The following MR1 variants were observed in gnomAD, a reference collection of about 807,000 sequenced individuals.
The protein encoded by MR1 is major histocompatibility complex, class I-related, also known as major histocompatibility complex class I-related protein 1.
Under a neutral mutation model 37.8 loss-of-function variants are expected in MR1, and 44 were observed. The observed-to-expected ratio is 1.16, with a 90% CI of 0.91 to 1.50. The LOEUF (loss-of-function observed/expected upper bound fraction) is 1.50. Ranked by LOEUF, MR1 falls within the 40% of genes most tolerant of loss-of-function variation. The pLI is 0.00. For missense variants in MR1, 386 were observed against 419.1 expected, an observed-to-expected ratio of 0.92 and a Z score of 0.69; for synonymous variants, 153 against 155.8, an observed-to-expected ratio of 0.98 and a Z score of 0.13.
chr1:181,050,516 G>A (rs1658252319), intron 3 of MR1: 1 of 541,716 alleles, frequency 1.8e-6, no homozygotes, highest in East Asian at 3.3e-5. Flanking sequence ...TACCTCCAAG[G>A]GCACCTTGTT....
chr1:181,035,190 A>G (rs1458038848), intron 1 of MR1, among the ~76,000 whole-genome samples: 1 of 151,974 alleles, frequency 6.6e-6, no homozygotes, highest in Non-Finnish European at 1.5e-5. Context: ...AATACAAAAA[A>G]TTAGCTGTGC....
In MR1 at chr1:181,050,257, A is replaced by C; in HGVS notation, c.575A>C (p.Glu192Ala). The change falls in exon 3 of 6, where the codon GAG becomes GCG. Residue 192 changes from glutamate to alanine, a missense_variant. By Grantham distance (107) the Glu-to-Ala change is moderately radical (BLOSUM62 -1). Coordinates refer to ENST00000367580, the MANE Select transcript of MR1 (RefSeq NM_001385161.1). ...ECIAWLKRFL[E>A]YGKDTLQRTE... Reference sequence around the variant, plus strand: ...ATTGCCTGGCTAAAGAGATTCCTGGAGTATGGGAAAGACACCCTACAAAGA... The same window carrying C: ...ATTGCCTGGCTAAAGAGATTCCTGGCGTATGGGAAAGACACCCTACAAAGA... 1 of 1,614,260 alleles carries C rather than the reference A, an allele frequency of 6.2e-7. No individual in the cohort carries two copies.
rs1165117531 is a variant in MR1, at chr1:181,056,661, A to T, written c.*1396A>T. On this transcript the variant is annotated 3_prime_UTR_variant, in exon 6 of 6. Transcript: ENST00000367580. The stretch of plus-strand genomic sequence containing the variant: ...TGCCAGTCACACATTCCTCGGTCCT[A>T]CTTCTCTGACCCCGTTTGACTCTGC... 6.6e-6 allele frequency: 1 copy of T among 152,378 alleles called. No individual in the cohort carries two copies. The allele number at this position is 152,378 out of a possible 1,614,324, so 9.4% of individuals were successfully genotyped here.
chr1:181,041,867 C>T (rs1358167085), intron 1 of MR1, among the ~76,000 whole-genome samples: 1 of 152,156 alleles, frequency 6.6e-6, no homozygotes, highest in African/African-American at 2.4e-5. Flanking sequence ...TCTCCCCTTC[C>T]CCCGACTAGG....
At chr1:181,048,334 G>A (rs1229379403) in intron 1 of MR1, among the ~76,000 whole-genome samples, 2 of 152,062 alleles carry the variant, frequency 1.3e-5, no homozygotes, top group African/African-American at 4.8e-5. Context: ...AGGAGTTTGA[G>A]ACCAGCCTGG....
At chr1:181,038,925 T>C (rs1657415080) in intron 1 of MR1, among the ~76,000 whole-genome samples, 1 of 152,188 alleles carries the variant, frequency 6.6e-6, no homozygotes, top group South Asian at 2.1e-4. Flanking sequence ...TGCCTCAGCC[T>C]CCCAAGTAGC....
At position 181,049,178 on chromosome 1, in the gene MR1, A is replaced by G. The variant is rs1378515111; in HGVS notation, c.194A>G (p.Lys65Arg). 3.7e-6 allele frequency: 6 copies of G among 1,614,228 alleles called. No homozygotes were observed. The highest frequency in any genetic ancestry group is 5.1e-6 in the Non-Finnish European group (6 of 1,180,030). The part of the protein sequence containing the change: ...ITTYDSVTRQ[K>R]EPRAPWMAEN... ...ACATATGACAGTGTCACTCGGCAGA[A>G]GGAGCCACGGGCCCCATGGATGGCA... Residue 65 changes from lysine to arginine, a missense_variant, in exon 2 of 6, where the codon AAG (lysine) becomes AGG (arginine). Transcript: ENST00000367580.
intron 1 of MR1, among the ~76,000 whole-genome samples, chr1:181,038,108 GCT>G (rs1657366989): frequency 6.6e-6 from 1 of 152,164 alleles, no homozygotes; most frequent in Non-Finnish European, 1.5e-5. Context: ...TGTGTTCATT[GCT>G]CTGTTTCCAG....
chr1:181,044,412 C>G (rs570583835), intron 1 of MR1, among the ~76,000 whole-genome samples: 70 of 152,272 alleles, frequency 4.6e-4, no homozygotes, highest in African/African-American at 1.7e-3. Context: ...ATGGCAGCAG[C>G]AGGGTGGGCA....
chr1:181,040,875 A>G (rs958239522), intron 1 of MR1, among the ~76,000 whole-genome samples: 2 of 151,950 alleles, frequency 1.3e-5, no homozygotes, highest in Admixed American at 6.5e-5. Flanking sequence ...ATGAGGTAGG[A>G]GTTCAAGACC....
Position 181,055,467 on chromosome 1 carries a change from G to T in MR1, c.*202G>T. On this transcript the variant is annotated 3_prime_UTR_variant, in exon 6 of 6. Transcript: ENST00000367580. ...GCTCCAAAAAGACTGTCAGCTTTCA[G>T]TCTCTTTTGATGGACTGTTTTATCA... 1 of 569,318 alleles carries T rather than the reference G, an allele frequency of 1.8e-6. No homozygotes were observed. The highest frequency in any genetic ancestry group is 3.1e-6 in the Non-Finnish European group (1 of 321,698). 35.3% of individuals were successfully genotyped at this position (569,318 alleles called of 1,614,324 possible).
At chr1:181,046,433 C>T (rs1265650827) in intron 1 of MR1, among the ~76,000 whole-genome samples, 1 of 152,148 alleles carries the variant, frequency 6.6e-6, no homozygotes, top group Non-Finnish European at 1.5e-5. Context: ...CTGCACCAAT[C>T]GACACTCTGC....
chr1:181,048,597 C>A (rs1658071390), intron 1 of MR1, among the ~76,000 whole-genome samples: 1 of 152,046 alleles, frequency 6.6e-6, no homozygotes, highest in African/African-American at 2.4e-5. Context: ...CACACGTGCA[C>A]ACACAGAGGT....
upstream of MR1, chr1:181,033,966 C>T: frequency 6.3e-7 from 1 of 1,577,018 alleles, no homozygotes; most frequent in Non-Finnish European, 8.6e-7. Context: ...TCAGAAGGGA[C>T]CTGTCAGTTT....
intron 1 of MR1, among the ~76,000 whole-genome samples, chr1:181,038,188 C>T (rs1470147895): frequency 6.6e-6 from 1 of 152,150 alleles, no homozygotes; most frequent in African/African-American, 2.4e-5. Context: ...CATTGGCAAC[C>T]TTCAAAAGGG....
Position 181,052,233 on chromosome 1 carries a change from A to G in MR1, c.605-2A>G. On this transcript the variant is annotated splice_acceptor_variant, in intron 3 of 5. Transcript: ENST00000367580. LOFTEE classifies it high-confidence loss of function. The stretch of plus-strand genomic sequence containing the variant: ...GATTTAACTTTAGCTTCTTCTTCCT[A>G]GAGCCCCCACTGGTCAGAGTAAATC... The G allele has an allele frequency of 2.5e-6, 4 of 1,612,598 alleles. No individual in the cohort carries two copies. Among genetic ancestry groups the G allele is most frequent in the Non-Finnish European group, 3.4e-6 (4 of 1,178,940 alleles).
chr1:181,050,715 G>A, intron 3 of MR1: 1 of 221,652 alleles, frequency 4.5e-6, no homozygotes, highest in Non-Finnish European at 9.1e-6. Flanking sequence ...AATGAGGTTG[G>A]GCATGATGGC....
chr1:181,050,270 C>T lies in MR1; in HGVS notation c.588C>T (p.Asp196=). 6.2e-7 allele frequency: 1 copy of T among 1,614,202 alleles called. No individual in the cohort carries two copies. The highest frequency in any genetic ancestry group is 8.5e-7 in the Non-Finnish European group (1 of 1,180,022). ...AGAGATTCCTGGAGTATGGGAAAGA[C>T]ACCCTACAAAGAACAGGTAAAGAGA... ...WLKRFLEYGK[D]TLQRTEPPLV... is the part of the protein sequence containing the mutation. Residue 196 remains aspartate, a synonymous_variant, in exon 3 of 6, where the codon GAC becomes GAT. Coordinates refer to ENST00000367580, the MANE Select transcript of MR1 (RefSeq NM_001385161.1).
intron 1 of MR1, among the ~76,000 whole-genome samples, chr1:181,038,111 C>G (rs976408637): frequency 2.0e-5 from 3 of 152,202 alleles, no homozygotes; most frequent in Non-Finnish European, 4.4e-5. Context: ...GTTCATTGCT[C>G]TGTTTCCAGC....
Sources: gnomAD v4.1 joint callset for allele counts (sites outside exome capture counted in the v4.1 genomes callset) on GRCh38, gnomAD v4.1.1 for gene constraint, MANE v1.5 for transcripts, NCBI Gene and HGNC (gene_info 2026-07-23, HGNC 2026-07-21) for gene names.